RAP1GDS1: variants seen among roughly 807,000 people sequenced by gnomAD.
RAP1GDS1 encodes RAP1, GTP-GDP dissociation stimulator 1.
RAP1GDS1 carries 35 observed loss-of-function variants against 71.1 expected under a neutral mutation model. The ratio of observed to expected loss-of-function variants is 0.49; its 90% CI spans 0.38 to 0.65. The LOEUF (loss-of-function observed/expected upper bound fraction) is 0.65. Among genes scored for constraint, RAP1GDS1 ranks in the 30% least tolerant of loss-of-function variants. The pLI is 0.00. For synonymous variants in RAP1GDS1, 229 were observed against 243.1 expected (o/e 0.94, Z 0.54); for missense variants, 663 against 706.1 (o/e 0.94, Z 0.69).
chr4:98,271,159 T>C (rs1723404185), intron 1 of RAP1GDS1, among the ~76,000 whole-genome samples: 1 of 152,130 alleles, frequency 6.6e-6, no homozygotes, highest in Non-Finnish European at 1.5e-5. Context: ...GGGTCAACAG[T>C]ACTTGTTAAT....
At chr4:98,440,085 A>G (rs1003522402) in intron 14 of RAP1GDS1, among the ~76,000 whole-genome samples, 1 of 152,214 alleles carries the variant, frequency 6.6e-6, no homozygotes, top group African/African-American at 2.4e-5. Flanking sequence ...GTGGAATAAG[A>G]AACTCCTGTC....
At chr4:98,378,892 G>T in intron 4 of RAP1GDS1, 125 bp from the exon 5 acceptor site, 2 of 901,368 alleles carry the variant, frequency 2.2e-6, no homozygotes, top group Non-Finnish European at 1.6e-6. Context: ...CATATTTAAT[G>T]TCCTGCCTAG....
chr4:98,311,120 G>A (rs1252585409), intron 2 of RAP1GDS1, among the ~76,000 whole-genome samples: 2 of 152,128 alleles, frequency 1.3e-5, no homozygotes, highest in Admixed American at 6.5e-5. Flanking sequence ...ATTTATGGAT[G>A]GCACTTTAAA....
At chr4:98,349,375 T>A (rs975766158) in intron 3 of RAP1GDS1, among the ~76,000 whole-genome samples, 1 of 152,194 alleles carries the variant, frequency 6.6e-6, no homozygotes, top group East Asian at 1.9e-4. Context: ...TGTAGCCTTG[T>A]AGTATAGTTT....
chr4:98,289,463 GAC>G (rs1726567384), intron 1 of RAP1GDS1, among the ~76,000 whole-genome samples: 1 of 149,084 alleles, frequency 6.7e-6, no homozygotes, highest in East Asian at 2.0e-4. Context: ...TGGTGGGACT[GAC>G]ACACATGATG....
At chr4:98,389,577 G>A (rs976033109) in intron 5 of RAP1GDS1, among the ~76,000 whole-genome samples, 17 of 152,072 alleles carry the variant, frequency 1.1e-4, no homozygotes, top group African/African-American at 3.9e-4. Flanking sequence ...ACATTTTCAC[G>A]AAGCAACATG....
intron 6 of RAP1GDS1, among the ~76,000 whole-genome samples, chr4:98,400,320 A>C (rs1313129294): frequency 6.6e-6 from 1 of 152,138 alleles, no homozygotes; most frequent in East Asian, 1.9e-4. Flanking sequence ...GCCTAAATAC[A>C]TGAAGAGGTA....
intron 2 of RAP1GDS1, among the ~76,000 whole-genome samples, chr4:98,323,375 C>G (rs1283694410): frequency 1.5e-5 from 2 of 131,690 alleles, no homozygotes; most frequent in East Asian, 2.1e-4. Context: ...CCTTCTGAAA[C>G]TATTCCAATC....
chr4:98,283,677 A>G (rs1283963029), intron 1 of RAP1GDS1, among the ~76,000 whole-genome samples: 1 of 152,118 alleles, frequency 6.6e-6, no homozygotes, highest in Non-Finnish European at 1.5e-5. Flanking sequence ...ATAAGTGTTC[A>G]TTACTTAAAA....
chr4:98,261,945 C>T (rs1239753637), intron 1 of RAP1GDS1, among the ~76,000 whole-genome samples: 1 of 152,256 alleles, frequency 6.6e-6, no homozygotes, highest in Admixed American at 6.5e-5. Context: ...TTTTCCCCCG[C>T]GTGTACTGAG....
At chr4:98,394,814 T>C (rs7654379) in intron 6 of RAP1GDS1, among the ~76,000 whole-genome samples, 11,605 of 152,192 alleles carry the variant, frequency 0.076, 489 homozygotes, top group Admixed American at 0.14. Context: ...AATATAAATA[T>C]ATTAACATTT....
At chr4:98,333,626 C>A (rs1734304907) in intron 2 of RAP1GDS1, among the ~76,000 whole-genome samples, 1 of 151,944 alleles carries the variant, frequency 6.6e-6, no homozygotes, top group Non-Finnish European at 1.5e-5. Flanking sequence ...TTTAGATTGC[C>A]TGAAAAGTTC....
chr4:98,325,177 A>T (rs1037249432), intron 2 of RAP1GDS1, among the ~76,000 whole-genome samples: 1 of 151,864 alleles, frequency 6.6e-6, no homozygotes, highest in Non-Finnish European at 1.5e-5. Context: ...AAAAATGCTC[A>T]CCATCACTGG....
chr4:98,362,037 T>C (rs1209888921), intron 4 of RAP1GDS1, among the ~76,000 whole-genome samples: 1 of 152,202 alleles, frequency 6.6e-6, no homozygotes, highest in Non-Finnish European at 1.5e-5. Context: ...TTCATGAGCT[T>C]TTTTATTTGA....
At chr4:98,347,956 T>C (rs906814400) in intron 3 of RAP1GDS1, among the ~76,000 whole-genome samples, 5 of 152,190 alleles carry the variant, frequency 3.3e-5, no homozygotes, top group Admixed American at 6.5e-5. Context: ...TATAACATTT[T>C]AAACATATTC....
chr4:98,408,567 T>C (rs1020626812), intron 7 of RAP1GDS1, among the ~76,000 whole-genome samples: 1 of 152,170 alleles, frequency 6.6e-6, no homozygotes, highest in African/African-American at 2.4e-5. Context: ...ATGAAACCTT[T>C]ATACCAAATC....
chr4:98,365,343 C>A (rs1329254712), intron 4 of RAP1GDS1, among the ~76,000 whole-genome samples: 1 of 151,838 alleles, frequency 6.6e-6, no homozygotes, highest in Admixed American at 6.6e-5. Context: ...AGCCAGGCAT[C>A]ATGGCTCACA....
At chr4:98,394,268 TGAGAG>T (rs1464507177) in intron 6 of RAP1GDS1, among the ~76,000 whole-genome samples, 1 of 152,116 alleles carries the variant, frequency 6.6e-6, no homozygotes, top group Non-Finnish European at 1.5e-5. Context: ...CTTGACCTCA[TGAGAG>T]GAGAGTTGTT....
intron 7 of RAP1GDS1, among the ~76,000 whole-genome samples, chr4:98,406,209 G>A (rs1481183743): frequency 5.3e-5 from 8 of 152,118 alleles, no homozygotes; most frequent in Non-Finnish European, 8.8e-5. Flanking sequence ...TTAAGACACA[G>A]TATTTCAGTA....
Sources: gnomAD v4.1 joint callset for allele counts (sites outside exome capture counted in the v4.1 genomes callset) on GRCh38, gnomAD v4.1.1 for gene constraint, MANE v1.5 for transcripts, NCBI Gene and HGNC (gene_info 2026-07-23, HGNC 2026-07-21) for gene names.